Variants in RBFOX3 observed in about 807,000 individuals in gnomAD.
The protein encoded by RBFOX3 is RNA binding protein fox-1 homolog 3.
RBFOX3 carries 17 observed loss-of-function variants against 48.7 expected under a neutral mutation model. That is an observed-to-expected ratio of 0.35 (90% CI 0.24 to 0.52). RBFOX3 has a LOEUF of 0.52. Ranked by LOEUF, RBFOX3 falls within the 20% of genes least tolerant of loss-of-function variation. The pLI, the probability that RBFOX3 is intolerant of heterozygous loss-of-function variation, is 0.94. For synonymous variants in RBFOX3, 212 were observed against 209.5 expected, an observed-to-expected ratio of 1.01 and a Z score of -0.10; for missense variants, 382 against 497.5, an observed-to-expected ratio of 0.77 and a Z score of 2.21.
intron 4 of RBFOX3, among the ~76,000 whole-genome samples, chr17:79,165,057 A>T (rs2047719491): frequency 6.6e-6 from 1 of 152,028 alleles, no homozygotes; most frequent in Non-Finnish European, 1.5e-5. Flanking sequence ...CCTGAACAAA[A>T]GCAGCCGGGC....
rs2078590264 is a variant in RBFOX3, at chr17:79,480,271, G to A, written c.-175+2183C>T. Among the ~76,000 whole-genome samples the A allele has an allele frequency of 6.6e-6, 1 of 152,112 alleles. No homozygotes were observed. The highest frequency in any genetic ancestry group is 2.4e-5 in the African/African-American group (1 of 41,412). ...GTGACAGCCGTTTCAGCAGAGGAGG[G>A]GAGTTGTTTAAGGGTTTATCTCAGA... is the stretch of plus-strand genomic sequence containing the variant. On this transcript the variant is annotated intron_variant, in intron 2 of 14. Transcript: ENST00000693108. The surrounding 1 kb of genome is among the most constrained non-coding windows in gnomAD (Gnocchi z 4.8).
At chr17:79,574,775 A>G (rs1483730888) in intron 1 of RBFOX3, among the ~76,000 whole-genome samples, 1 of 152,238 alleles carries the variant, frequency 6.6e-6, no homozygotes, top group Non-Finnish European at 1.5e-5. Flanking sequence ...TCGCTGAGTG[A>G]GAGCGTGGTG....
chr17:79,574,234 G>A (rs2092782448), intron 1 of RBFOX3, among the ~76,000 whole-genome samples: 1 of 152,216 alleles, frequency 6.6e-6, no homozygotes. Flanking sequence ...ATCTTGAATA[G>A]GGGCTGGGCA....
chr17:79,633,031 A>G, the RBFOX3 span, among the ~76,000 whole-genome samples: 1 of 152,186 alleles, frequency 6.6e-6, no homozygotes, highest in East Asian at 1.9e-4. Context: ...TTTCTCAGCC[A>G]TTTTTCCTAA....
chr17:79,191,298 TG>T (rs1416008493), intron 4 of RBFOX3, among the ~76,000 whole-genome samples: 1 of 152,206 alleles, frequency 6.6e-6, no homozygotes, highest in Non-Finnish European at 1.5e-5. Flanking sequence ...ACCCCAGGAC[TG>T]GGAAGTTAGG....
intron 2 of RBFOX3, among the ~76,000 whole-genome samples, chr17:79,428,522 C>T (rs1470784095): frequency 6.6e-6 from 1 of 152,254 alleles, no homozygotes; most frequent in African/African-American, 2.4e-5. Flanking sequence ...CTGAACATCA[C>T]CACAGCCATG....
chr17:79,183,711 G>A (rs1359997567), intron 4 of RBFOX3, among the ~76,000 whole-genome samples: 1 of 150,518 alleles, frequency 6.6e-6, no homozygotes, highest in Non-Finnish European at 1.5e-5. Context: ...GCGTGTGTGA[G>A]TGCGCGCGTG....
chr17:79,106,792 C>T lies in RBFOX3; in HGVS notation c.223-4G>A. ...TCTGTGCCGCCTCGTCTGTCTGCTG[C>T]AGGGAGAGGACTGGGCTGTGGAGGC... is the stretch of plus-strand genomic sequence containing the variant. On this transcript the variant is annotated splice_polypyrimidine_tract_variant and splice_region_variant and intron_variant, in intron 5 of 14. Coordinates refer to ENST00000693108, the MANE Select transcript of RBFOX3 (RefSeq NM_001350451.2). 6.6e-7 allele frequency: 1 copy of T among 1,515,012 alleles called. No homozygotes were observed. Among genetic ancestry groups the T allele is most frequent in the Non-Finnish European group, 8.8e-7 (1 of 1,133,496 alleles). 93.8% of individuals were successfully genotyped at this position (1,515,012 alleles called of 1,614,324 possible).
chr17:79,106,305 G>A (rs1275328863), intron 6 of RBFOX3, among the ~76,000 whole-genome samples: 1 of 152,170 alleles, frequency 6.6e-6, no homozygotes, highest in East Asian at 1.9e-4. Context: ...AACTGGCTGC[G>A]AGGTCCCAAG....
Position 79,105,654 on chromosome 17 carries a change from C to A in RBFOX3, c.360+997G>T, listed in dbSNP as rs138250917. Among the ~76,000 whole-genome samples the A allele has an allele frequency of 6.8e-4, 104 of 152,324 alleles. No individual in the cohort carries two copies. The East Asian group carries it at 0.018, about 27-fold the overall frequency. On this transcript the variant is annotated intron_variant, in intron 6 of 14. Transcript: ENST00000693108. Reference sequence around the variant, plus strand: ...GGTAGGTGAACGGGGACCTCTCCACCCTGGGGCTGCCAGAGGTGCTTCCAG... The same window carrying A: ...GGTAGGTGAACGGGGACCTCTCCACACTGGGGCTGCCAGAGGTGCTTCCAG...
intron 1 of RBFOX3, among the ~76,000 whole-genome samples, chr17:79,545,944 G>A (rs1383919168): frequency 6.6e-6 from 1 of 152,164 alleles, no homozygotes; most frequent in Admixed American, 6.5e-5. Flanking sequence ...GACTGTGTGT[G>A]TGTGCACGTG....
At chr17:79,110,416 G>T (rs1021257951) in intron 5 of RBFOX3, among the ~76,000 whole-genome samples, 3 of 152,230 alleles carry the variant, frequency 2.0e-5, no homozygotes, top group Non-Finnish European at 2.9e-5. Flanking sequence ...AAGGGAATGA[G>T]CCCCAGGCAG....
At chr17:79,572,387 G>A (rs1186241930) in intron 1 of RBFOX3, among the ~76,000 whole-genome samples, 1 of 152,164 alleles carries the variant, frequency 6.6e-6, no homozygotes, top group Non-Finnish European at 1.5e-5. Flanking sequence ...GGAGCTCATT[G>A]TGGCCCCAGT....
rs868982965 is a variant in RBFOX3, at chr17:79,495,325, T to C, written c.-319-12727A>G. Among the ~76,000 whole-genome samples, 72 of 25,808 alleles carry C rather than the reference T, an allele frequency of 2.8e-3. 3 individuals carry two copies. Among genetic ancestry groups the C allele is most frequent in the African/African-American group, 0.013 (67 of 5,128 alleles). 16.9% of individuals were successfully genotyped at this position (25,808 alleles called of 152,430 possible). ...GGGGGAAGCAGAGAAGGGCGGGGAG[T>C]TGGGGGGTGCAGGGGGCTTCCGGGG... On this transcript the variant is annotated intron_variant, in intron 1 of 14. Coordinates refer to ENST00000693108, the MANE Select transcript of RBFOX3 (RefSeq NM_001350451.2).
chr17:79,652,828 A>T, the RBFOX3 span, among the ~76,000 whole-genome samples: 30 of 152,248 alleles, frequency 2.0e-4, no homozygotes, highest in African/African-American at 7.2e-4. Context: ...AAATGTCCCC[A>T]GAACTGAAAG....
the RBFOX3 span, among the ~76,000 whole-genome samples, chr17:79,641,059 C>T: frequency 1.3e-5 from 2 of 152,132 alleles, no homozygotes; most frequent in Non-Finnish European, 2.9e-5. Flanking sequence ...ATATATCTAA[C>T]AAGAAGTTAA....
chr17:79,332,218 C>T (rs1344240864), intron 2 of RBFOX3, among the ~76,000 whole-genome samples: 3 of 152,218 alleles, frequency 2.0e-5, no homozygotes, highest in African/African-American at 7.2e-5. Flanking sequence ...AATTCTGTCT[C>T]CAAATTGGAG....
chr17:79,176,862 G>C (rs191664752), intron 4 of RBFOX3, among the ~76,000 whole-genome samples: 6 of 152,344 alleles, frequency 3.9e-5, no homozygotes, highest in Admixed American at 2.6e-4. Context: ...GGCCACAGCT[G>C]ATCATAAAGG....
chr17:79,279,913 G>A (rs1280341551), intron 3 of RBFOX3, among the ~76,000 whole-genome samples: 2 of 152,192 alleles, frequency 1.3e-5, no homozygotes, highest in East Asian at 1.9e-4. Context: ...CCAGAGAGGT[G>A]AGGCACAGTC....
Sources: allele counts gnomAD v4.1 joint callset (sites outside exome capture counted in the v4.1 genomes callset), GRCh38; gene constraint gnomAD v4.1.1; non-coding constraint Gnocchi (gnomAD v3.1); transcripts MANE v1.5; gene names NCBI Gene and HGNC (gene_info 2026-07-23, HGNC 2026-07-21).